CORIN: variants seen among roughly 807,000 people sequenced by gnomAD.
CORIN encodes the protein atrial natriuretic peptide-converting enzyme.
Under a neutral mutation model 125.3 loss-of-function variants are expected in CORIN, and 117 were observed. The observed-to-expected ratio is 0.93, with a 90% CI of 0.80 to 1.09. CORIN has a LOEUF of 1.09. CORIN is among the 50% of genes least tolerant of loss of function. CORIN has a pLI of 0.00. For synonymous variants in CORIN, 450 were observed against 466.4 expected (o/e 0.96, Z 0.45); for missense variants, 1,253 against 1,306.7 (o/e 0.96, Z 0.63).
rs1161323485 is a variant in CORIN at position 47,763,540 on chromosome 4, G to C, written c.456C>G (p.Tyr152Ter). 3.1e-6 allele frequency: 5 copies of C among 1,614,074 alleles called. No homozygotes were observed. The highest frequency in any genetic ancestry group is 4.2e-6 in the Non-Finnish European group (5 of 1,180,038). ...ITHSQCQMLPYHATLTPLLSV... is the reference protein window; with the variant it reads ...ITHSQCQMLP ...AGAGGAGAGGTGTCAGCGTGGCGTGGTAGGGCAGCATCTGACACTGGCTGT... is the reference window on the plus strand; with the variant it reads ...AGAGGAGAGGTGTCAGCGTGGCGTGCTAGGGCAGCATCTGACACTGGCTGT... The change falls in exon 4 of 22, where the codon TAC (tyrosine) becomes TAG (stop). Residue 152 changes from tyrosine (Y) to a stop codon, truncating the protein, a stop_gained. Coordinates refer to ENST00000273857, the MANE Select transcript of CORIN (RefSeq NM_006587.4). LOFTEE classifies it high-confidence loss of function.
At chr4:47,772,852 T>C (rs751694354) in intron 3 of CORIN, among the ~76,000 whole-genome samples, 18 of 152,204 alleles carry the variant, frequency 1.2e-4, no homozygotes, top group Non-Finnish European at 4.4e-5. Flanking sequence ...CCATGTTACA[T>C]AGGTAAGAAA....
chr4:47,794,513 C>A (rs1192366004), intron 2 of CORIN, among the ~76,000 whole-genome samples: 1 of 152,020 alleles, frequency 6.6e-6, no homozygotes, highest in African/African-American at 2.4e-5. Flanking sequence ...TAATTTTAAG[C>A]TAGTTTTCAT....
chr4:47,618,258 C>T (rs1234937305), intron 19 of CORIN, among the ~76,000 whole-genome samples: 1 of 147,208 alleles, frequency 6.8e-6, no homozygotes. Flanking sequence ...GGCTTGAACT[C>T]GGGAGGCAGA....
At chr4:47,794,701 T>C (rs73135981) in intron 2 of CORIN, among the ~76,000 whole-genome samples, 86 of 152,250 alleles carry the variant, frequency 5.6e-4, no homozygotes, top group African/African-American at 2.0e-3. Context: ...TTGAAAAAAC[T>C]AATTCAGACC....
chr4:47,724,403 CAA>C (rs1727495799), intron 5 of CORIN, among the ~76,000 whole-genome samples: 1 of 151,670 alleles, frequency 6.6e-6, no homozygotes, highest in South Asian at 2.1e-4. Flanking sequence ...TCAAAAGGTC[CAA>C]TATTGATGTC....
At chr4:47,774,768 CA>C in intron 3 of CORIN, among the ~76,000 whole-genome samples, 1 of 152,280 alleles carries the variant, frequency 6.6e-6, no homozygotes, top group East Asian at 1.9e-4. Flanking sequence ...AAAGCAGCAG[CA>C]ACCTCAACAA....
intron 15 of CORIN, among the ~76,000 whole-genome samples, chr4:47,642,403 T>C (rs185807532): frequency 1.3e-5 from 2 of 152,352 alleles, no homozygotes; most frequent in East Asian, 3.9e-4. Context: ...ATTTCTATCA[T>C]TTCCTTCAAG....
At chr4:47,735,691 C>T (rs1728096744) in intron 5 of CORIN, among the ~76,000 whole-genome samples, 1 of 151,898 alleles carries the variant, frequency 6.6e-6, no homozygotes, top group African/African-American at 2.4e-5. Flanking sequence ...AAGGCCGAGG[C>T]GGGCGGATCA....
chr4:47,735,924 G>A (rs1577875792), intron 5 of CORIN, among the ~76,000 whole-genome samples: 1 of 145,314 alleles, frequency 6.9e-6, no homozygotes, highest in African/African-American at 2.6e-5. Context: ...TCCAGCCTGG[G>A]CGACAGAGAC....
Position 47,763,730 on chromosome 4 carries a change from A to AGTATGT in CORIN, c.410-150_410-145dup, listed in dbSNP as rs1362128662. 5 of 642,988 alleles carry AGTATGT rather than the reference A, an allele frequency of 7.8e-6. No individual in the cohort carries two copies. In the African/African-American group the frequency reaches 9.1e-5, roughly 12 times the overall value. The allele number at this position is 642,988 out of a possible 1,614,324, so 39.8% of individuals were successfully genotyped here. On this transcript the variant is annotated intron_variant, in intron 3 of 21. Transcript: ENST00000273857. ...GCAATCATACACATAGGTGCATGTA[A>AGTATGT]GTATGTGTATGTGTATGATAATGAA...
intron 4 of CORIN, among the ~76,000 whole-genome samples, chr4:47,752,466 C>T (rs1560532916): frequency 6.6e-6 from 1 of 152,146 alleles, no homozygotes; most frequent in Non-Finnish European, 1.5e-5. Context: ...GGAGGAGAAC[C>T]TAACTCCCAA....
intron 17 of CORIN, among the ~76,000 whole-genome samples, chr4:47,624,892 G>C (rs13107754): frequency 0.27 from 40,701 of 151,052 alleles, 5,587 homozygotes; most frequent in Admixed American, 0.35. Context: ...AAAAAAAAAT[G>C]CAACCCTAAA....
In CORIN at chr4:47,744,411, C is replaced by A. The variant is rs547405481; in HGVS notation, c.790G>T (p.Gly264Ter). The change falls in exon 5 of 22, where the codon GGA becomes TGA. Residue 264 changes from glycine to a stop codon, truncating the protein, a stop_gained. Transcript: ENST00000273857. LOFTEE classifies it high-confidence loss of function. Reference protein sequence around the residue: ...RICFSPQQENGKQLLCGRGEN... With the variant: ...RICFSPQQEN ...AAACACAGACACCTACATTGCTTTC[C>A]GTTTTCCTGCTGAGGTGAGAAGCAA... 2 of 1,613,262 alleles carry A rather than the reference C, an allele frequency of 1.2e-6. No homozygotes were observed. The highest frequency in any genetic ancestry group is 1.3e-5 in the African/African-American group (1 of 74,966).
intron 19 of CORIN, among the ~76,000 whole-genome samples, chr4:47,604,632 T>C (rs140768435): frequency 5.9e-5 from 9 of 152,322 alleles, no homozygotes; most frequent in African/African-American, 1.4e-4. Flanking sequence ...CAACACTGAA[T>C]GCATCAGCAA....
chr4:47,763,920 C>T (rs1246296827), intron 3 of CORIN, among the ~76,000 whole-genome samples: 3 of 151,864 alleles, frequency 2.0e-5, no homozygotes, highest in Non-Finnish European at 2.9e-5. Flanking sequence ...ATCTTTTCAC[C>T]ATGCATATTC....
intron 16 of CORIN, among the ~76,000 whole-genome samples, chr4:47,639,154 TAC>T (rs5858082): frequency 0.54 from 82,013 of 151,796 alleles, 22,990 homozygotes; most frequent in East Asian, 0.75. Context: ...GGACCCTACA[TAC>T]ACACTACAAT....
intron 1 of CORIN, among the ~76,000 whole-genome samples, chr4:47,827,000 G>A (rs1303306456): frequency 6.6e-6 from 1 of 152,056 alleles, no homozygotes; most frequent in African/African-American, 2.4e-5. Flanking sequence ...TGGATATATT[G>A]AGTTAAATAA....
chr4:47,775,507 T>G (rs1244011248), intron 3 of CORIN, among the ~76,000 whole-genome samples: 1 of 152,196 alleles, frequency 6.6e-6, no homozygotes, highest in East Asian at 1.9e-4. Context: ...CTGAGAATAA[T>G]GGTTTCCAGC....
chr4:47,605,458 C>T (rs1320185394), intron 19 of CORIN, among the ~76,000 whole-genome samples: 1 of 152,138 alleles, frequency 6.6e-6, no homozygotes, highest in Non-Finnish European at 1.5e-5. Context: ...CCTTCACTCC[C>T]AGTCTCTCCT....
Sources: allele counts gnomAD v4.1 joint callset (sites outside exome capture counted in the v4.1 genomes callset), GRCh38; gene constraint gnomAD v4.1.1; transcripts MANE v1.5; gene names NCBI Gene and HGNC (gene_info 2026-07-23, HGNC 2026-07-21).